Variants in PRKCI observed in about 807,000 individuals in gnomAD.
The protein encoded by PRKCI is protein kinase C iota type.
In PRKCI, 43 loss-of-function variants were observed where a neutral mutation model predicts 84.0. The observed-to-expected ratio is 0.51, with a 90% CI of 0.40 to 0.66. The LOEUF (loss-of-function observed/expected upper bound fraction) is 0.66. Among genes scored for constraint, PRKCI ranks in the 30% least tolerant of loss-of-function variants. The probability of loss-of-function intolerance (pLI) is 0.00; values close to 1 mark genes in which losing one functional copy is unlikely to be tolerated. For missense variants in PRKCI, 459 were observed against 745.6 expected (o/e 0.62, Z 4.48); for synonymous variants, 216 against 234.4 (o/e 0.92, Z 0.72).
intron 17 of PRKCI, among the ~76,000 whole-genome samples, chr3:170,302,094 A>G (rs1734834958): frequency 6.6e-6 from 1 of 152,186 alleles, no homozygotes; most frequent in Admixed American, 6.5e-5. Flanking sequence ...CTCAGATGCA[A>G]CCAGATCTTT....
In PRKCI at chr3:170,295,941, G is replaced by A. The variant is rs1389006052; in HGVS notation, c.1448G>A (p.Arg483His). The change falls in exon 15 of 18, where the codon CGT (arginine) becomes CAT (histidine). Residue 483 changes from arginine (R) to histidine (H), a missense_variant. Transcript: ENST00000295797. ...VILEKQIRIP[R>H]SLSVKAASVL... ...TTGGAAAAACAAATTCGCATACCAC[G>A]TTCTCTGTCTGTAAAAGCTGCAAGT... The A allele has an allele frequency of 1.9e-6, 3 of 1,572,808 alleles. No homozygotes were observed. The highest frequency in any genetic ancestry group is 2.3e-5 in the East Asian group (1 of 44,144).
chr3:170,230,956 T>A (rs1409509330), intron 1 of PRKCI, among the ~76,000 whole-genome samples: 3 of 149,102 alleles, frequency 2.0e-5, no homozygotes, highest in Non-Finnish European at 4.5e-5. Context: ...TTTAATTTTT[T>A]TTTTTTGTTT....
intron 2 of PRKCI, among the ~76,000 whole-genome samples, chr3:170,239,649 T>G (rs1441170246): frequency 6.6e-6 from 1 of 152,100 alleles, no homozygotes; most frequent in African/African-American, 2.4e-5. Flanking sequence ...ATCATTCAGG[T>G]TTTAACTCAA....
chr3:170,284,645 T>A lies in PRKCI; in HGVS notation c.1203+49T>A, dbSNP rs1319441283. The A allele has an allele frequency of 3.2e-6, 5 of 1,549,602 alleles. No individual in the cohort carries two copies. In the East Asian group the frequency reaches 9.1e-5, roughly 28 times the overall value. Reference sequence around the variant, plus strand: ...TTAAAAGGTCTTCAGCAGCTAGTAGTCTTTGTAAAATAACTTCATGTTTAA... The same window carrying A: ...TTAAAAGGTCTTCAGCAGCTAGTAGACTTTGTAAAATAACTTCATGTTTAA... On this transcript the variant is annotated intron_variant, in intron 12 of 17. Coordinates refer to ENST00000295797, the MANE Select transcript of PRKCI (RefSeq NM_002740.6).
At chr3:170,245,949 GTTT>G (rs112482352) in intron 2 of PRKCI, among the ~76,000 whole-genome samples, 192 of 82,450 alleles carry the variant, frequency 2.3e-3, no homozygotes, top group Non-Finnish European at 3.2e-3. Context: ...TTATGTCTTT[GTTT>G]TTTTTTTTTT....
At chr3:170,291,159 G>A (rs1034958602) in intron 12 of PRKCI, among the ~76,000 whole-genome samples, 34 of 151,490 alleles carry the variant, frequency 2.2e-4, no homozygotes, top group African/African-American at 8.2e-4. Flanking sequence ...GTGTTCTTAG[G>A]AAAAATAAAC....
chr3:170,228,877 C>G (rs1048377773), intron 1 of PRKCI, among the ~76,000 whole-genome samples: 2 of 152,182 alleles, frequency 1.3e-5, no homozygotes, highest in East Asian at 1.9e-4. Flanking sequence ...CCTCACCCCC[C>G]TCCCACCTTT....
At chr3:170,287,764 T>G (rs573195892) in intron 12 of PRKCI, among the ~76,000 whole-genome samples, 18 of 151,500 alleles carry the variant, frequency 1.2e-4, no homozygotes, top group African/African-American at 3.9e-4. Flanking sequence ...ACCAAAAGAT[T>G]AGCTGGGCAT....
intron 2 of PRKCI, among the ~76,000 whole-genome samples, chr3:170,254,589 C>T (rs1733537217): frequency 1.3e-5 from 1 of 74,808 alleles, no homozygotes; most frequent in African/African-American, 1.1e-4. Context: ...TGTCTTTTCC[C>T]CAGTGTTATG....
intron 5 of PRKCI, among the ~76,000 whole-genome samples, chr3:170,268,519 A>C (rs1167231832): frequency 1.3e-5 from 2 of 151,654 alleles, no homozygotes; most frequent in African/African-American, 4.8e-5. Context: ...ATGATTAATT[A>C]TTCCACATAA....
intron 4 of PRKCI, among the ~76,000 whole-genome samples, chr3:170,265,434 A>T (rs1314163877): frequency 6.6e-6 from 1 of 152,184 alleles, no homozygotes; most frequent in Non-Finnish European, 1.5e-5. Context: ...GTTCTAATGT[A>T]ATTTAATATG....
At chr3:170,239,352 A>G (rs563715496) in intron 2 of PRKCI, among the ~76,000 whole-genome samples, 2 of 152,216 alleles carry the variant, frequency 1.3e-5, no homozygotes, top group African/African-American at 4.8e-5. Flanking sequence ...ATGAGACTAT[A>G]TATAATTTAG....
At chr3:170,299,172 CTA>C (rs1363088403) in intron 17 of PRKCI, 62 bp downstream of exon 17, 3 of 879,790 alleles carry the variant, frequency 3.4e-6, no homozygotes, top group Admixed American at 2.8e-5. Flanking sequence ...TTTTTAGTGA[CTA>C]TGCAATGTTT....
At chr3:170,297,208 A>G in intron 15 of PRKCI, 96 bp from the exon 16 acceptor site, 1 of 926,002 alleles carries the variant, frequency 1.1e-6, no homozygotes, top group Non-Finnish European at 1.7e-6. Context: ...TTCAGAAATA[A>G]GAGTATCATG....
chr3:170,263,550 C>CCACCT, intron 4 of PRKCI, 121 bp downstream of exon 4: 1 of 763,512 alleles, frequency 1.3e-6, no homozygotes, highest in Non-Finnish European at 2.1e-6. Context: ...GCCTGTAATC[C>CCACCT]CAGCACTGTG....
intron 3 of PRKCI, among the ~76,000 whole-genome samples, chr3:170,263,141 C>T (rs1423895233): frequency 6.8e-6 from 1 of 146,714 alleles, no homozygotes; most frequent in Admixed American, 6.9e-5. Context: ...TGCACTCCAG[C>T]CTGGGCGACA....
At chr3:170,281,418 G>A (rs1472506427) in intron 10 of PRKCI, 155 bp downstream of exon 10, 2 of 609,478 alleles carry the variant, frequency 3.3e-6, no homozygotes, top group Non-Finnish European at 5.7e-6. Context: ...TGCCATCAGT[G>A]ATATCAGTTT....
chr3:170,224,254 A>G (rs905022210), intron 1 of PRKCI, among the ~76,000 whole-genome samples: 55 of 152,228 alleles, frequency 3.6e-4, no homozygotes, highest in African/African-American at 1.2e-3. Context: ...GACTGTATGC[A>G]GGAGTAGTTT....
At chr3:170,263,348 T>A (rs1560175772) in intron 3 of PRKCI, 31 bp from the exon 4 acceptor site, 1 of 1,555,690 alleles carries the variant, frequency 6.4e-7, no homozygotes, top group Admixed American at 1.7e-5. Context: ...TTAAATATGC[T>A]GTTAACTCAT....
Sources: gnomAD v4.1 joint callset for allele counts (sites outside exome capture counted in the v4.1 genomes callset) on GRCh38, gnomAD v4.1.1 for gene constraint, MANE v1.5 for transcripts, NCBI Gene and HGNC (gene_info 2026-07-23, HGNC 2026-07-21) for gene names.